Variants in TSHZ3 observed in about 807,000 individuals in gnomAD.
TSHZ3 encodes the protein teashirt homolog 3.
A neutral mutation model predicts 64.5 loss-of-function variants in TSHZ3; 10 were observed. The ratio of observed to expected loss-of-function variants is 0.16; its 90% CI spans 0.10 to 0.26. The LOEUF is 0.26. Among genes scored for constraint, TSHZ3 ranks in the 10% least tolerant of loss-of-function variants. TSHZ3 has a pLI of 1.00. For synonymous variants in TSHZ3, 608 were observed against 593.1 expected (o/e 1.03, Z -0.36); for missense variants, 1,242 against 1,421.7 (o/e 0.87, Z 2.03).
In TSHZ3 at chr19:31,277,373, A is replaced by G; in HGVS notation, c.2420T>C (p.Leu807Pro). 2 of 1,614,140 alleles carry G rather than the reference A, an allele frequency of 1.2e-6. No individual in the cohort carries two copies. Among genetic ancestry groups the G allele is most frequent in the Non-Finnish European group, 1.7e-6 (2 of 1,180,010 alleles). Residue 807 changes from leucine to proline, a missense_variant, in exon 2 of 2, where the codon CTT (leucine) becomes CCT (proline). By Grantham distance (98) the Leu-to-Pro change is moderately conservative. Coordinates refer to ENST00000240587, the MANE Select transcript of TSHZ3 (RefSeq NM_020856.4). The surrounding 1 kb of genome is among the most constrained non-coding windows in gnomAD (Gnocchi z 4.5). ...SDKGCSLGSVLLSPTSTAPAT... is the reference protein window; with the variant it reads ...SDKGCSLGSVPLSPTSTAPAT... Reference sequence around the variant, plus strand: ...CGGGGCTGTGGACGTGGGTGACAGAAGCACTGAACCCAAGGAGCAGCCTTT... The same window carrying G: ...CGGGGCTGTGGACGTGGGTGACAGAGGCACTGAACCCAAGGAGCAGCCTTT...
intron 1 of TSHZ3, among the ~76,000 whole-genome samples, chr19:31,283,870 G>A (rs1002173620): frequency 3.3e-5 from 5 of 152,164 alleles, no homozygotes; most frequent in African/African-American, 1.2e-4. Context: ...CAGGCAAGGA[G>A]GGGAGGAAAG....
chr19:31,194,278 T>A (rs1353712605), intron 5 of TSHZ3, among the ~76,000 whole-genome samples: 4 of 152,198 alleles, frequency 2.6e-5, no homozygotes, highest in Non-Finnish European at 5.9e-5. Context: ...CACTGAATAC[T>A]GGAGAAAAAT....
rs534404905 is a variant in TSHZ3, at chr19:31,160,742, A to G, written n.810-4325T>C. On this transcript the variant is annotated intron_variant and non_coding_transcript_variant, in intron 5 of 6. Transcript: ENST00000651361. Reference sequence around the variant, plus strand: ...TACACATACACACACGTATACACACACACATACACAAAACTACACACACAT... The same window carrying G: ...TACACATACACACACGTATACACACGCACATACACAAAACTACACACACAT... 3.3e-5 allele frequency among the ~76,000 whole-genome samples: 5 copies of G among 152,166 alleles called. No homozygotes were observed. The South Asian group carries it at 1.0e-3, about 32-fold the overall frequency.
chr19:31,190,117 A>C (rs1460637311), intron 5 of TSHZ3, among the ~76,000 whole-genome samples: 4 of 152,118 alleles, frequency 2.6e-5, no homozygotes, highest in Admixed American at 6.6e-5. Context: ...AAGTCTCACT[A>C]TCTATGCCTT....
intron 1 of TSHZ3, among the ~76,000 whole-genome samples, chr19:31,260,323 C>A (rs1975968569): frequency 6.6e-6 from 1 of 152,192 alleles, no homozygotes; most frequent in South Asian, 2.1e-4. Flanking sequence ...GTCCGTGGTG[C>A]CCTGCCTAAC....
intron 1 of TSHZ3, among the ~76,000 whole-genome samples, chr19:31,265,586 T>C (rs949123310): frequency 6.6e-6 from 1 of 152,080 alleles, no homozygotes; most frequent in Admixed American, 6.6e-5. Context: ...TTTAGCAAAC[T>C]GAGGCCAGAC....
chr19:31,257,985 C>T (rs1339129331), intron 1 of TSHZ3, among the ~76,000 whole-genome samples: 6 of 152,234 alleles, frequency 3.9e-5, no homozygotes, highest in African/African-American at 1.4e-4. Flanking sequence ...GCAAGGGAGA[C>T]AGGGAGGGGA....
At position 31,278,262 on chromosome 19, in the gene TSHZ3, C is replaced by A; in HGVS notation, c.1531G>T (p.Asp511Tyr). ...CCCCCCTTGGGACTCTCTTCTAAGT[C>A]ATTTTCAGTCAAGTAATGGTATTTG... ...SSKYHYLTENDLEESPKGGLD... is the reference protein window; with the variant it reads ...SSKYHYLTENYLEESPKGGLD... The change falls in exon 2 of 2, where the codon GAC becomes TAC. Residue 511 changes from aspartate to tyrosine, a missense_variant. Transcript: ENST00000240587. The surrounding 1 kb of genome is among the most constrained non-coding windows in gnomAD (Gnocchi z 4.7). The A allele has an allele frequency of 6.2e-7, 1 of 1,614,192 alleles. No individual in the cohort carries two copies. The highest frequency in any genetic ancestry group is 1.1e-5 in the South Asian group (1 of 91,070).
chr19:31,256,495 G>C (rs1470698338), intron 1 of TSHZ3, among the ~76,000 whole-genome samples: 1 of 152,202 alleles, frequency 6.6e-6, no homozygotes, highest in East Asian at 1.9e-4. Context: ...GGGAGTGACT[G>C]TCTGTGCCTG....
exon 7 of TSHZ3, among the ~76,000 whole-genome samples, chr19:31,150,740 CT>C (rs1568330658): frequency 6.6e-6 from 1 of 152,132 alleles, no homozygotes; most frequent in African/African-American, 2.4e-5. Context: ...TTCCAGGTAT[CT>C]TTTTTTGTAG....
chr19:31,182,356 CAAT>C (rs543649514), intron 5 of TSHZ3, among the ~76,000 whole-genome samples: 150 of 152,312 alleles, frequency 9.8e-4, no homozygotes, highest in African/African-American at 3.0e-3. Context: ...ATCCCTCAGA[CAAT>C]AATCCTCAGC....
chr19:31,236,523 A>C (rs993139152), intron 3 of TSHZ3, among the ~76,000 whole-genome samples: 1 of 152,232 alleles, frequency 6.6e-6, no homozygotes, highest in South Asian at 2.1e-4. Context: ...GTTCTTTTAA[A>C]ATTTTGGATA....
intron 1 of TSHZ3, among the ~76,000 whole-genome samples, chr19:31,262,953 G>A (rs977573777): frequency 6.6e-6 from 1 of 152,232 alleles, no homozygotes; most frequent in Non-Finnish European, 1.5e-5. Flanking sequence ...TGTTGAGAGC[G>A]CTGACTGCCA....
intron 4 of TSHZ3, among the ~76,000 whole-genome samples, chr19:31,205,940 T>A (rs1975161443): frequency 6.6e-6 from 1 of 152,202 alleles, no homozygotes; most frequent in Non-Finnish European, 1.5e-5. Flanking sequence ...CATGGTTGGC[T>A]GGATGGAGGG....
At chr19:31,251,348 T>C (rs1185836575) in intron 1 of TSHZ3, among the ~76,000 whole-genome samples, 2 of 152,188 alleles carry the variant, frequency 1.3e-5, no homozygotes, top group Non-Finnish European at 2.9e-5. Flanking sequence ...ACCCAGAGGA[T>C]ACTGGTTTCC....
chr19:31,346,573 C>A (rs533100730), intron 1 of TSHZ3, among the ~76,000 whole-genome samples: 3 of 152,094 alleles, frequency 2.0e-5, no homozygotes, highest in African/African-American at 7.2e-5. Flanking sequence ...AAAAAATTCT[C>A]GAGTATTCTC....
At chr19:31,325,924 T>C (rs546779438) in intron 1 of TSHZ3, among the ~76,000 whole-genome samples, 29 of 152,274 alleles carry the variant, frequency 1.9e-4, no homozygotes, top group South Asian at 6.2e-4. Context: ...GATACATAGA[T>C]TTGCCACCAT....
intron 5 of TSHZ3, among the ~76,000 whole-genome samples, chr19:31,198,624 A>G (rs1375679365): frequency 6.6e-6 from 1 of 152,194 alleles, no homozygotes; most frequent in Admixed American, 6.5e-5. Flanking sequence ...TTGCTTTTCT[A>G]GGCAGCAGCA....
intron 1 of TSHZ3, among the ~76,000 whole-genome samples, chr19:31,325,137 G>C (rs1916896072): frequency 6.6e-6 from 1 of 152,228 alleles, no homozygotes. Context: ...CAGTGCCTCT[G>C]TGTCTTGGCC....
Sources: gnomAD v4.1 joint callset for allele counts (sites outside exome capture counted in the v4.1 genomes callset) on GRCh38, gnomAD v4.1.1 for gene constraint, Gnocchi (gnomAD v3.1) non-coding constraint, MANE v1.5 for transcripts, NCBI Gene and HGNC (gene_info 2026-07-23, HGNC 2026-07-21) for gene names.